CDH11: variants seen among roughly 807,000 people sequenced by gnomAD.
The protein encoded by CDH11 is cadherin-11.
CDH11 carries 11 observed loss-of-function variants against 67.8 expected under a neutral mutation model. The observed-to-expected ratio is 0.16, with a 90% CI of 0.10 to 0.27. CDH11 has a LOEUF of 0.27. Ranked by LOEUF, CDH11 falls within the 10% of genes least tolerant of loss-of-function variation. CDH11 has a pLI of 1.00. For missense variants in CDH11, 847 were observed against 1,031.2 expected, an observed-to-expected ratio of 0.82 and a Z score of 2.45; for synonymous variants, 419 against 400.0, an observed-to-expected ratio of 1.05 and a Z score of -0.57.
intron 1 of CDH11, among the ~76,000 whole-genome samples, chr16:65,086,659 C>A (rs760616402): frequency 6.6e-6 from 1 of 152,220 alleles, no homozygotes; most frequent in African/African-American, 2.4e-5. Context: ...AAGCTGGTTA[C>A]AAATGCAGCG....
At chr16:64,980,888 T>C (rs2142453521) in intron 8 of CDH11, among the ~76,000 whole-genome samples, 1 of 152,068 alleles carries the variant, frequency 6.6e-6, no homozygotes, top group Non-Finnish European at 1.5e-5. Context: ...GAGGAGTGGC[T>C]GTGGGAAAAG....
At chr16:65,044,312 C>T (rs2073918657) in intron 2 of CDH11, among the ~76,000 whole-genome samples, 1 of 152,142 alleles carries the variant, frequency 6.6e-6, no homozygotes, top group African/African-American at 2.4e-5. Flanking sequence ...GTGACTTCTC[C>T]ATTAGGAACA....
At chr16:65,002,781 G>C (rs373913688) in intron 3 of CDH11, among the ~76,000 whole-genome samples, 5 of 152,134 alleles carry the variant, frequency 3.3e-5, no homozygotes, top group South Asian at 4.2e-4. Context: ...ACCTTCCACT[G>C]GATAATTCCT....
At chr16:64,974,930 G>A (rs900135244) in intron 8 of CDH11, among the ~76,000 whole-genome samples, 1 of 152,120 alleles carries the variant, frequency 6.6e-6, no homozygotes, top group African/African-American at 2.4e-5. Context: ...AGATGATATT[G>A]GAAAAGCCAC....
intron 1 of CDH11, among the ~76,000 whole-genome samples, chr16:65,116,562 C>T (rs2075248436): frequency 6.6e-6 from 1 of 152,142 alleles, no homozygotes; most frequent in African/African-American, 2.4e-5. Flanking sequence ...GAAGTGAAAG[C>T]TTTTTTTCAC....
chr16:65,033,602 T>C (rs1046640943), intron 2 of CDH11, among the ~76,000 whole-genome samples: 1 of 151,774 alleles, frequency 6.6e-6, no homozygotes, highest in Non-Finnish European at 1.5e-5. Context: ...CCAGGCATGG[T>C]GTTGTGTGCC....
At chr16:65,118,210 CAGAG>C (rs2075275804) in intron 1 of CDH11, among the ~76,000 whole-genome samples, 1 of 152,114 alleles carries the variant, frequency 6.6e-6, no homozygotes, top group African/African-American at 2.4e-5. Context: ...AGTCCATTTC[CAGAG>C]TTGTACAAGG....
At chr16:64,956,045 G>A (rs2071500889) in intron 11 of CDH11, among the ~76,000 whole-genome samples, 1 of 152,074 alleles carries the variant, frequency 6.6e-6, no homozygotes, top group South Asian at 2.1e-4. Context: ...AAACAGAAAA[G>A]ACAAATATTC....
intron 2 of CDH11, among the ~76,000 whole-genome samples, chr16:65,007,320 C>T (rs1342943510): frequency 6.6e-6 from 1 of 152,032 alleles, no homozygotes; most frequent in Non-Finnish European, 1.5e-5. Flanking sequence ...AGTCTTTATT[C>T]AAGGAATAGG....
intron 2 of CDH11, among the ~76,000 whole-genome samples, chr16:65,046,858 A>G (rs538139540): frequency 6.6e-6 from 1 of 152,336 alleles, no homozygotes; most frequent in African/African-American, 2.4e-5. Context: ...TTGTAATTCC[A>G]GCACTTTGGG....
At chr16:64,982,462 C>G in intron 7 of CDH11, 161 bp from the exon 8 acceptor site, 1 of 618,624 alleles carries the variant, frequency 1.6e-6, no homozygotes, top group East Asian at 2.8e-5. Flanking sequence ...GAAAATCACA[C>G]AAATCAATTG....
At chr16:64,957,327 C>T (rs1414648392) in intron 11 of CDH11, among the ~76,000 whole-genome samples, 1 of 152,078 alleles carries the variant, frequency 6.6e-6, no homozygotes, top group African/African-American at 2.4e-5. Flanking sequence ...GTTGGAAAAC[C>T]GAGAATGTAG....
At chr16:64,986,975 C>G (rs1313232839) in intron 7 of CDH11, 2 of 152,202 alleles carry the variant, frequency 1.3e-5, no homozygotes, top group Non-Finnish European at 2.9e-5. Context: ...TCTTTAGCTA[C>G]TGGCCTCTTT....
At chr16:65,089,039 GT>G (rs889242888) in intron 1 of CDH11, among the ~76,000 whole-genome samples, 1 of 152,116 alleles carries the variant, frequency 6.6e-6, no homozygotes, top group African/African-American at 2.4e-5. Context: ...CACTTTGAGT[GT>G]TTTTGTCATT....
At chr16:65,091,294 A>G (rs1195277231) in intron 1 of CDH11, among the ~76,000 whole-genome samples, 1 of 152,212 alleles carries the variant, frequency 6.6e-6, no homozygotes, top group African/African-American at 2.4e-5. Flanking sequence ...TAATTTTTAA[A>G]TATTTCCACC....
At chr16:64,950,214 C>T (rs117646643) in intron 12 of CDH11, among the ~76,000 whole-genome samples, 1,725 of 152,208 alleles carry the variant, frequency 0.011, 11 homozygotes, top group Non-Finnish European at 0.017. Flanking sequence ...GCAGGAAAAG[C>T]TTCCAAGGGG....
intron 2 of CDH11, among the ~76,000 whole-genome samples, chr16:65,007,433 C>A (rs748771252): frequency 6.6e-6 from 1 of 152,184 alleles, no homozygotes; most frequent in Non-Finnish European, 1.5e-5. Context: ...CATCATTTAA[C>A]AACTTCATCC....
At chr16:65,110,861 G>A (rs867264719) in intron 1 of CDH11, among the ~76,000 whole-genome samples, 3 of 152,072 alleles carry the variant, frequency 2.0e-5, no homozygotes, top group Admixed American at 1.3e-4. Flanking sequence ...CTGAGGCCAC[G>A]CAGCCAAACA....
chr16:64,998,552 C>T lies in CDH11; in HGVS notation c.523+10G>A, dbSNP rs763000924. ...CTGGAAGCAGAGCAGGCCTCCCACA[C>T]CGTACGCACCCACATTGGACCTCTC... On this transcript the variant is annotated intron_variant, in intron 4 of 12. Transcript: ENST00000268603. The T allele has an allele frequency of 6.2e-6, 10 of 1,612,600 alleles. No individual in the cohort carries two copies. Among genetic ancestry groups the T allele is most frequent in the Non-Finnish European group, 7.6e-6 (9 of 1,178,752 alleles).
Sources: allele counts gnomAD v4.1 joint callset (sites outside exome capture counted in the v4.1 genomes callset), GRCh38; gene constraint gnomAD v4.1.1; transcripts MANE v1.5; gene names NCBI Gene and HGNC (gene_info 2026-07-23, HGNC 2026-07-21).